Variants in PECAM1 observed in about 807,000 individuals in gnomAD.
PECAM1 encodes the protein platelet endothelial cell adhesion molecule.
In PECAM1, 8 loss-of-function variants were observed where a neutral mutation model predicts 13.8. That is an observed-to-expected ratio of 0.58 (90% CI 0.34 to 1.05). PECAM1 has a LOEUF of 1.05. Ranked by LOEUF, PECAM1 falls within the 50% of genes least tolerant of loss-of-function variation. PECAM1 has a pLI of 0.03. For missense variants in PECAM1, 304 were observed against 141.2 expected (o/e 2.15, Z -5.84); for synonymous variants, 136 against 52.6 (o/e 2.58, Z -6.86).
intron 12 of PECAM1, among the ~76,000 whole-genome samples, chr17:64,349,857 C>G (rs1020998267): frequency 2.4e-4 from 37 of 152,120 alleles, no homozygotes; most frequent in African/African-American, 8.2e-4. Flanking sequence ...TGCACTCCAG[C>G]CTGGCTGACA....
Position 64,322,624 on chromosome 17 carries a change from C to T in PECAM1, c.*1192G>A, listed in dbSNP as rs1234392684. ...CGTGGTTCTCATCTGTGAAATTCCA[C>T]AGCGCAATGACAGCAGCCTCTCTCC... On this transcript the variant is annotated 3_prime_UTR_variant, in exon 16 of 16. Transcript: ENST00000563924. The T allele has an allele frequency of 2.0e-6, 2 of 985,304 alleles. No homozygotes were observed. Among genetic ancestry groups the T allele is most frequent in the African/African-American group, 3.5e-5 (2 of 57,232 alleles). The allele number at this position is 985,304 out of a possible 1,614,324, so 61.0% of individuals were successfully genotyped here.
At chr17:64,359,018 G>C (rs982183285) in intron 7 of PECAM1, among the ~76,000 whole-genome samples, 14 of 151,958 alleles carry the variant, frequency 9.2e-5, no homozygotes, top group African/African-American at 3.4e-4. Flanking sequence ...GGCTGGTCTC[G>C]AATTCCTGAC....
At chr17:64,331,935 C>A (rs34168052) in intron 14 of PECAM1, among the ~76,000 whole-genome samples, 1 of 152,230 alleles carries the variant, frequency 6.6e-6, no homozygotes, top group African/African-American at 2.4e-5. Flanking sequence ...GAGAAAAGTA[C>A]GCCAAGGGGC....
rs2036197538 is a variant in PECAM1, at chr17:64,369,729, CT to C, written c.967+20del. On this transcript the variant is annotated intron_variant, in intron 5 of 15. Transcript: ENST00000563924. ...CTTGAGCCCGCCATATGCCAACACC[CT>C]CCCGCAGCAGCAGCCCTACCTGTTA... The C allele has an allele frequency of 7.5e-6, 3 of 398,554 alleles. No individual in the cohort carries two copies. Among genetic ancestry groups the C allele is most frequent in the Non-Finnish European group, 1.3e-5 (3 of 226,114 alleles). 24.7% of individuals were successfully genotyped at this position (398,554 alleles called of 1,614,324 possible).
At chr17:64,368,012 T>C (rs893978810) in intron 5 of PECAM1, among the ~76,000 whole-genome samples, 13 of 152,200 alleles carry the variant, frequency 8.5e-5, no homozygotes, top group African/African-American at 3.1e-4. Context: ...GCACACTCAA[T>C]GCTTGACACA....
chr17:64,388,475 A>G (rs2036647885), intron 2 of PECAM1, among the ~76,000 whole-genome samples: 1 of 152,158 alleles, frequency 6.6e-6, no homozygotes, highest in Non-Finnish European at 1.5e-5. Context: ...CACCCACTTC[A>G]TGCCCACGAA....
chr17:64,324,761 T>C (rs1233689819), intron 15 of PECAM1, among the ~76,000 whole-genome samples: 1 of 152,228 alleles, frequency 6.6e-6, no homozygotes, highest in African/African-American at 2.4e-5. Context: ...TTATGCTAAA[T>C]GAAATAAGGC....
intron 4 of PECAM1, chr17:64,370,516 C>T (rs1348523723): frequency 6.6e-6 from 1 of 152,194 alleles, no homozygotes; most frequent in African/African-American, 2.4e-5. Context: ...TTTTCTATTT[C>T]ATTTTTTAAA....
chr17:64,329,814 A>G, intron 14 of PECAM1, 92 bp from the exon 15 acceptor site: 7 of 723,458 alleles, frequency 9.7e-6, no homozygotes, highest in Non-Finnish European at 1.8e-5. Flanking sequence ...CAGGTCGAGA[A>G]AAGAGGGAGG....
chr17:64,321,298 G>A lies in PECAM1; in HGVS notation c.*2518C>T. On this transcript the variant is annotated 3_prime_UTR_variant, in exon 16 of 16. Coordinates refer to ENST00000563924, the MANE Select transcript of PECAM1 (RefSeq NM_000442.5). The stretch of plus-strand genomic sequence containing the variant: ...CTCCTGGAGTGGGTGCTCCTGGGAT[G>A]CTTCAGGTTTAGACACCGGGGTTAC... 1 of 316,646 alleles carries A rather than the reference G, an allele frequency of 3.2e-6. No homozygotes were observed. Among genetic ancestry groups the A allele is most frequent in the Non-Finnish European group, 4.6e-6 (1 of 218,588 alleles). The allele number at this position is 316,646 out of a possible 1,614,324, so 19.6% of individuals were successfully genotyped here. A position where few individuals can be genotyped will look rare whatever the true frequency, so the allele number is the denominator to read the frequency against.
chr17:64,362,502 A>G (rs1361681641), intron 6 of PECAM1, among the ~76,000 whole-genome samples: 1 of 151,990 alleles, frequency 6.6e-6, no homozygotes, highest in Non-Finnish European at 1.5e-5. Flanking sequence ...ACAAAAAAAT[A>G]TTATCCGGGC....
intron 15 of PECAM1, among the ~76,000 whole-genome samples, chr17:64,328,659 G>A (rs1222868406): frequency 6.6e-6 from 1 of 152,212 alleles, no homozygotes; most frequent in African/African-American, 2.4e-5. Context: ...GGCATAATGA[G>A]CTCTGTTTTA....
chr17:64,323,781 A>G lies in PECAM1; in HGVS notation c.*35T>C. 9.4e-7 allele frequency: 1 copy of G among 1,061,044 alleles called. No individual in the cohort carries two copies. Among genetic ancestry groups the G allele is most frequent in the Non-Finnish European group, 1.5e-6 (1 of 674,896 alleles). The allele number at this position is 1,061,044 out of a possible 1,614,324, so 65.7% of individuals were successfully genotyped here. A position where few individuals can be genotyped will look rare whatever the true frequency, so the allele number is the denominator to read the frequency against. ...ATTATCTGTTCTTCTCGGAACATGG[A>G]TGTCCTTCCAGGGATGTGCATCTGG... On this transcript the variant is annotated 3_prime_UTR_variant, in exon 16 of 16. Coordinates refer to ENST00000563924, the MANE Select transcript of PECAM1 (RefSeq NM_000442.5).
intron 2 of PECAM1, among the ~76,000 whole-genome samples, chr17:64,381,254 G>A (rs1175695286): frequency 1.3e-5 from 2 of 152,138 alleles, no homozygotes; most frequent in African/African-American, 4.8e-5. Context: ...ATGTTCTAAT[G>A]GACCTTGTTC....
rs2034849829 is a variant in PECAM1, at chr17:64,323,238, C to T, written c.*578G>A. 3.0e-6 allele frequency: 3 copies of T among 990,896 alleles called. No individual in the cohort carries two copies. Among genetic ancestry groups the T allele is most frequent in the Non-Finnish European group, 3.6e-6 (3 of 833,280 alleles). The allele number at this position is 990,896 out of a possible 1,614,324, so 61.4% of individuals were successfully genotyped here. A position where few individuals can be genotyped will look rare whatever the true frequency, so the allele number is the denominator to read the frequency against. On this transcript the variant is annotated 3_prime_UTR_variant, in exon 16 of 16. Transcript: ENST00000563924. ...ACGGTGTCTTCAGGTTGGTATTTCA[C>T]AGGCGGTGCTCCCAAGTAGTCTGGT...
rs2034826657 is a variant in PECAM1, at chr17:64,322,346, GCT to G, written c.*1468_*1469del. ...GGTTGCAGTGAGCAGAGGTTGCGCC[GCT>G]GCAGTCCAGCCCGGGCAACAAGAGC... On this transcript the variant is annotated 3_prime_UTR_variant, in exon 16 of 16. Coordinates refer to ENST00000563924, the MANE Select transcript of PECAM1 (RefSeq NM_000442.5). 1.7e-5 allele frequency: 15 copies of G among 872,330 alleles called. No individual in the cohort carries two copies. In the Admixed American group the frequency reaches 1.8e-4, roughly 11 times the overall value. The allele number at this position is 872,330 out of a possible 1,614,324, so 54.0% of individuals were successfully genotyped here. A position where few individuals can be genotyped will look rare whatever the true frequency, so the allele number is the denominator to read the frequency against.
intron 2 of PECAM1, among the ~76,000 whole-genome samples, chr17:64,379,879 G>T (rs1186775219): frequency 6.6e-6 from 1 of 151,674 alleles, no homozygotes; most frequent in Non-Finnish European, 1.5e-5. Flanking sequence ...AAAAGAATCA[G>T]CTGGGCATGA....
chr17:64,383,437 C>T (rs1186561648), intron 2 of PECAM1, among the ~76,000 whole-genome samples: 2 of 151,768 alleles, frequency 1.3e-5, no homozygotes, highest in African/African-American at 4.8e-5. Flanking sequence ...ATATATTGCC[C>T]AGTGCCTGGC....
rs2143931843 is a variant in PECAM1 at position 64,390,441 on chromosome 17, G to A, written c.91+48C>T. 8 of 465,006 alleles carry A rather than the reference G, an allele frequency of 1.7e-5. No homozygotes were observed. In the East Asian group the frequency reaches 2.5e-4, roughly 15 times the overall value. The allele number at this position is 465,006 out of a possible 1,614,324, so 28.8% of individuals were successfully genotyped here. ...GTTTTAGGCATCACAGAAGAGAAAG[G>A]AGGAAGCCAGGTAGAAACATCTGTT... On this transcript the variant is annotated intron_variant, in intron 2 of 15. Transcript: ENST00000563924.
Sources: allele counts gnomAD v4.1 joint callset (sites outside exome capture counted in the v4.1 genomes callset), GRCh38; gene constraint gnomAD v4.1.1; transcripts MANE v1.5; gene names NCBI Gene and HGNC (gene_info 2026-07-23, HGNC 2026-07-21).